Variants in PDE3A observed in about 807,000 individuals in gnomAD.
PDE3A encodes phosphodiesterase 3A.
In PDE3A, 43 loss-of-function variants were observed where a neutral mutation model predicts 98.3. The ratio of observed to expected loss-of-function variants is 0.44; its 90% CI spans 0.34 to 0.56. The LOEUF (loss-of-function observed/expected upper bound fraction) is 0.56, where lower values mean the gene tolerates loss of function less well. Among genes scored for constraint, PDE3A ranks in the 20% least tolerant of loss-of-function variants. The pLI is 0.01. For missense variants in PDE3A, 1,427 were observed against 1,440.7 expected (o/e 0.99, Z 0.15); for synonymous variants, 663 against 567.9 (o/e 1.17, Z -2.38).
At chr12:20,546,444 C>T (rs188230604) in intron 1 of PDE3A, among the ~76,000 whole-genome samples, 8 of 152,020 alleles carry the variant, frequency 5.3e-5, no homozygotes, top group African/African-American at 1.9e-4. Context: ...TATCAGAGAT[C>T]TTCCCAATCC....
chr12:20,550,846 T>C (rs1942180309), intron 1 of PDE3A, among the ~76,000 whole-genome samples: 1 of 152,042 alleles, frequency 6.6e-6, no homozygotes, highest in African/African-American at 2.4e-5. Flanking sequence ...AATTGCTCTA[T>C]GGTATCATTT....
Position 20,574,192 on chromosome 12 carries a change from C to T in PDE3A, c.1011+17482C>T, listed in dbSNP as rs570255813. ...GATATAACCTCTCATTTAACCAGCA[C>T]GAGGTCCATGGGGGTAAAATTAACT... On this transcript the variant is annotated intron_variant, in intron 2 of 15. Transcript: ENST00000359062. 5.9e-5 allele frequency among the ~76,000 whole-genome samples: 9 copies of T among 152,190 alleles called. No homozygotes were observed. In the South Asian group the frequency reaches 8.3e-4, roughly 14 times the overall value.
intron 1 of PDE3A, among the ~76,000 whole-genome samples, chr12:20,481,075 A>G (rs1247099408): frequency 1.3e-5 from 2 of 152,206 alleles, no homozygotes; most frequent in African/African-American, 4.8e-5. Context: ...AACCACTGAA[A>G]TATAAGCCAA....
intron 1 of PDE3A, among the ~76,000 whole-genome samples, chr12:20,402,783 G>A (rs1944157266): frequency 6.6e-6 from 1 of 152,026 alleles, no homozygotes; most frequent in African/African-American, 2.4e-5. Flanking sequence ...CTGAAAAATA[G>A]GTCTGTATCC....
chr12:20,616,344 C>T lies in PDE3A; in HGVS notation c.1384C>T (p.Arg462Cys), dbSNP rs748683447. 7.9e-5 allele frequency: 128 copies of T among 1,613,556 alleles called. No homozygotes were observed. Among genetic ancestry groups the T allele is most frequent in the South Asian group, 1.2e-4 (11 of 91,020 alleles). Residue 462 changes from arginine (R) to cysteine (C), a missense_variant, in exon 4 of 16, where the codon CGC becomes TGC. Physicochemically the swap from Arg to Cys is radical, Grantham distance 180 (BLOSUM62 -3). Around this residue, in one of 3 missense-constraint regions of PDE3A, gnomAD observed 1,012 missense variants for 886.5 expected, o/e 1.14. Coordinates refer to ENST00000359062, the MANE Select transcript of PDE3A (RefSeq NM_000921.5). ...GGAGCCTGCACCAGTACGGAGAGACCGCAGCACCAGCATCAAACTGCAGGA... is the reference window on the plus strand; with the variant it reads ...GGAGCCTGCACCAGTACGGAGAGACTGCAGCACCAGCATCAAACTGCAGGA... The part of the protein sequence containing the change: ...TLEPAPVRRD[R>C]STSIKLQEAP...
rs35124237 is a variant in PDE3A, at chr12:20,452,311, T to C, written c.960+82067T>C. On this transcript the variant is annotated intron_variant, in intron 1 of 15. Transcript: ENST00000359062. The stretch of plus-strand genomic sequence containing the variant: ...AATGAGTGTAAGTGAAACAAAATAA[T>C]TTTTTAGAATTTGGAAGTCATTTGT... Among the ~76,000 whole-genome samples, 408 of 152,268 alleles carry C rather than the reference T, an allele frequency of 2.7e-3. 1 individual carries two copies. Among genetic ancestry groups the C allele is most frequent in the Non-Finnish European group, 4.4e-3 (298 of 68,026 alleles).
At chr12:20,483,400 A>T (rs889413285) in intron 1 of PDE3A, among the ~76,000 whole-genome samples, 2 of 152,176 alleles carry the variant, frequency 1.3e-5, no homozygotes, top group African/African-American at 4.8e-5. Flanking sequence ...CAAAAACAAA[A>T]AACAAACAAA....
At chr12:20,413,738 A>G (rs1944373812) in intron 1 of PDE3A, among the ~76,000 whole-genome samples, 1 of 152,146 alleles carries the variant, frequency 6.6e-6, no homozygotes, top group African/African-American at 2.4e-5. Flanking sequence ...TCAAGGGCCT[A>G]TTATGGTGTG....
intron 2 of PDE3A, among the ~76,000 whole-genome samples, chr12:20,563,726 A>C (rs925978239): frequency 6.6e-6 from 1 of 152,168 alleles, no homozygotes; most frequent in African/African-American, 2.4e-5. Context: ...CGGGGACCAC[A>C]CAAAATATAT....
At chr12:20,608,138 G>GAAAC (rs1943759762) in intron 2 of PDE3A, among the ~76,000 whole-genome samples, 1 of 152,068 alleles carries the variant, frequency 6.6e-6, no homozygotes, top group Admixed American at 6.6e-5. Flanking sequence ...GCTATTTATT[G>GAAAC]AAACAGCAGC....
rs1160714650 is a variant in PDE3A, at chr12:20,671,802, C to A, written c.3185-8228C>A. Among the ~76,000 whole-genome samples the A allele has an allele frequency of 8.0e-3, 1,147 of 143,932 alleles. 14 individuals are homozygous for A. The highest frequency in any genetic ancestry group is 0.028 in the African/African-American group (1,082 of 38,668). 94.4% of individuals were successfully genotyped at this position (143,932 alleles called of 152,430 possible). On this transcript the variant is annotated intron_variant, in intron 15 of 15. Transcript: ENST00000359062. ...TGAAAACTGGCACAAGACAGGGATG[C>A]CCTCTCTCACCACTCCTATTCAACA...
At chr12:20,664,645 G>A (rs927571557) in intron 15 of PDE3A, among the ~76,000 whole-genome samples, 2 of 152,096 alleles carry the variant, frequency 1.3e-5, no homozygotes, top group African/African-American at 4.8e-5. Context: ...TGGATCTGAT[G>A]ATTTTATAAG....
At chr12:20,646,012 A>T (rs771477734) in intron 10 of PDE3A, among the ~76,000 whole-genome samples, 3 of 152,214 alleles carry the variant, frequency 2.0e-5, no homozygotes, top group Admixed American at 6.5e-5. Context: ...CAGTGCTTTA[A>T]GATTGATACA....
rs553709588 is a variant in PDE3A at position 20,637,121 on chromosome 12, G to C, written c.2023G>C (p.Glu675Gln). Reference sequence around the variant, plus strand: ...ACAGGACAAACCAATTCTTGCTCCCGAACCTCTTGTCATGGATAACCTGGA... The same window carrying C: ...ACAGGACAAACCAATTCTTGCTCCCCAACCTCTTGTCATGGATAACCTGGA... ...MFLDKPILAP[E>Q]PLVMDNLDSI... Residue 675 changes from glutamate (E) to glutamine (Q), a missense_variant, in exon 9 of 16, where the codon GAA becomes CAA. Transcript: ENST00000359062. 6.2e-7 allele frequency: 1 copy of C among 1,607,770 alleles called. No individual in the cohort carries two copies. The highest frequency in any genetic ancestry group is 1.3e-5 in the African/African-American group (1 of 74,658).
intron 13 of PDE3A, among the ~76,000 whole-genome samples, chr12:20,649,628 T>C (rs1420134649): frequency 6.6e-6 from 1 of 152,182 alleles, no homozygotes; most frequent in Non-Finnish European, 1.5e-5. Flanking sequence ...ATTATTTTAA[T>C]AGTAATTGAT....
intron 1 of PDE3A, among the ~76,000 whole-genome samples, chr12:20,529,816 C>T (rs1374042991): frequency 6.6e-6 from 1 of 152,154 alleles, no homozygotes; most frequent in Non-Finnish European, 1.5e-5. Context: ...ACAGCTCTAG[C>T]AAACTAATAC....
chr12:20,646,692 A>G (rs1043085492), intron 11 of PDE3A, 59 bp from the exon 12 acceptor site: 77 of 1,432,666 alleles, frequency 5.4e-5, no homozygotes, highest in Non-Finnish European at 7.2e-5. Flanking sequence ...AAAGAAGTCA[A>G]GACAAATAAT....
intron 1 of PDE3A, among the ~76,000 whole-genome samples, chr12:20,380,995 T>C (rs7305462): frequency 0.67 from 101,537 of 151,618 alleles, 34,138 homozygotes; most frequent in East Asian, 0.95. Context: ...TTCCTAGGGA[T>C]TGTTTTCCCT....
At chr12:20,551,886 A>G (rs1193572715) in intron 1 of PDE3A, 2 of 1,613,498 alleles carry the variant, frequency 1.2e-6, no homozygotes, top group Non-Finnish European at 1.7e-6. Flanking sequence ...ACCACTACGG[A>G]CCCATCCCGG....
Sources: allele counts gnomAD v4.1 joint callset (sites outside exome capture counted in the v4.1 genomes callset), GRCh38; gene constraint gnomAD v4.1.1; regional missense constraint gnomAD v4.1.1; transcripts MANE v1.5; gene names NCBI Gene and HGNC (gene_info 2026-07-23, HGNC 2026-07-21).